MYO1E: variants seen among roughly 807,000 people sequenced by gnomAD.
MYO1E encodes unconventional myosin-Ie.
In MYO1E, 68 loss-of-function variants were observed where a neutral mutation model predicts 151.1. That is an observed-to-expected ratio of 0.45 (90% CI 0.37 to 0.55). The LOEUF is 0.55. Ranked by LOEUF, MYO1E falls within the 20% of genes least tolerant of loss-of-function variation. MYO1E has a pLI of 0.00. For missense variants in MYO1E, 1,363 were observed against 1,389.3 expected (o/e 0.98, Z 0.30); for synonymous variants, 601 against 501.7 (o/e 1.20, Z -2.64).
intron 10 of MYO1E, among the ~76,000 whole-genome samples, chr15:59,216,594 G>GTATCTATCTATC (rs1290267352): frequency 2.5e-4 from 25 of 100,472 alleles, no homozygotes; most frequent in East Asian, 7.4e-4. Flanking sequence ...GTGTGTGTGT[G>GTATCTATCTATC]TATCTATCTA....
At chr15:59,225,896 T>C (rs898364307) in intron 7 of MYO1E, among the ~76,000 whole-genome samples, 7 of 152,198 alleles carry the variant, frequency 4.6e-5, no homozygotes, top group East Asian at 1.9e-4. Context: ...TTCACCCACC[T>C]TGGCATCCCA....
At chr15:59,353,794 A>AG (rs1457691247) in intron 1 of MYO1E, among the ~76,000 whole-genome samples, 3 of 151,842 alleles carry the variant, frequency 2.0e-5, no homozygotes, top group African/African-American at 7.3e-5. Flanking sequence ...AAAAACGCAA[A>AG]GGTAAAGAAA....
intron 1 of MYO1E, among the ~76,000 whole-genome samples, chr15:59,326,549 C>T (rs1283599942): frequency 6.6e-6 from 1 of 152,156 alleles, no homozygotes; most frequent in Admixed American, 6.5e-5. Context: ...GGTGGTCAGT[C>T]TGAACCCATT....
chr15:59,270,553 A>AAAAAAAGAAAAG (rs2080283271), intron 2 of MYO1E, among the ~76,000 whole-genome samples: 1 of 151,762 alleles, frequency 6.6e-6, no homozygotes, highest in African/African-American at 2.4e-5. Flanking sequence ...AAAAAAAAAA[A>AAAAAAAGAAAAG]AAAAAAGAAA....
intron 1 of MYO1E, among the ~76,000 whole-genome samples, chr15:59,322,562 CT>C (rs2080633665): frequency 6.6e-6 from 1 of 152,150 alleles, no homozygotes; most frequent in Non-Finnish European, 1.5e-5. Flanking sequence ...GTTCAAAGTG[CT>C]TACCTAGCAT....
chr15:59,201,551 C>T (rs868229906), intron 16 of MYO1E, among the ~76,000 whole-genome samples: 2 of 152,086 alleles, frequency 1.3e-5, no homozygotes, highest in East Asian at 1.9e-4. Flanking sequence ...ATTACACTCA[C>T]GTGCCACCAC....
At position 59,220,987 on chromosome 15, in the gene MYO1E, TTATATA is replaced by T. The variant is rs575891928; in HGVS notation, c.910+2066_910+2071del. 2.2e-3 allele frequency among the ~76,000 whole-genome samples: 313 copies of T among 144,340 alleles called. 1 individual carries two copies. Among genetic ancestry groups the T allele is most frequent in the African/African-American group, 7.6e-3 (299 of 39,540 alleles). The allele number at this position is 144,340 out of a possible 152,430, so 94.7% of individuals were successfully genotyped here. A position where few individuals can be genotyped will look rare whatever the true frequency, so the allele number is the denominator to read the frequency against. ...GGAATTGATATAGCATCATCTCACATTATATATATAATTATATATATAATATATATA... is the reference window on the plus strand; with the variant it reads ...GGAATTGATATAGCATCATCTCACATTATAATTATATATATAATATATATA... On this transcript the variant is annotated intron_variant, in intron 9 of 27. Transcript: ENST00000288235.
At chr15:59,208,192 A>AATCACTCTACCTACTTTCCT in intron 14 of MYO1E, 1 of 1,017,630 alleles carries the variant, frequency 9.8e-7, no homozygotes, top group Non-Finnish European at 1.4e-6. Context: ...GAAACAGGAA[A>AATCACTCTACCTACTTTCCT]GTAGGTAGAG....
chr15:59,338,437 A>T (rs1001058980), intron 1 of MYO1E, among the ~76,000 whole-genome samples: 1 of 152,152 alleles, frequency 6.6e-6, no homozygotes, highest in Non-Finnish European at 1.5e-5. Flanking sequence ...CCATGAAGGG[A>T]TATCACCTGC....
intron 6 of MYO1E, among the ~76,000 whole-genome samples, chr15:59,230,144 C>T (rs1228207035): frequency 1.3e-5 from 2 of 151,382 alleles, no homozygotes; most frequent in Non-Finnish European, 2.9e-5. Flanking sequence ...ATTTGAGAGA[C>T]AGAAAATTAT....
At chr15:59,151,342 G>T (rs1284724682) in intron 26 of MYO1E, among the ~76,000 whole-genome samples, 1 of 151,992 alleles carries the variant, frequency 6.6e-6, no homozygotes, top group Non-Finnish European at 1.5e-5. Context: ...ACGCAGGACA[G>T]TCACTTGAAC....
chr15:59,207,726 T>C (rs112372710), intron 14 of MYO1E: 3 of 1,614,000 alleles, frequency 1.9e-6, no homozygotes, highest in African/African-American at 2.7e-5. Flanking sequence ...CTTTGAAGGA[T>C]CTGAACTCTG....
chr15:59,334,811 T>G (rs1382327555), intron 1 of MYO1E, among the ~76,000 whole-genome samples: 1 of 152,182 alleles, frequency 6.6e-6, no homozygotes. Context: ...GAGAGAAATT[T>G]GCCAACTCTT....
intron 17 of MYO1E, among the ~76,000 whole-genome samples, chr15:59,194,489 G>A (rs145475831): frequency 0.013 from 1,957 of 152,262 alleles, 51 homozygotes; most frequent in African/African-American, 0.04. Context: ...GGAGATAATC[G>A]GCAGCTAGGA....
intron 26 of MYO1E, among the ~76,000 whole-genome samples, chr15:59,141,116 T>C (rs1478051761): frequency 6.6e-6 from 1 of 152,122 alleles, no homozygotes; most frequent in African/African-American, 2.4e-5. Context: ...CCAGACGTCA[T>C]GTGACTTCTC....
At position 59,262,278 on chromosome 15, in the gene MYO1E, C is replaced by G. The variant is rs185336896; in HGVS notation, c.148-769G>C. On this transcript the variant is annotated intron_variant, in intron 2 of 27. Coordinates refer to ENST00000288235, the MANE Select transcript of MYO1E (RefSeq NM_004998.4). ...ACAGGGATACAAGATGAACTAACAG[C>G]TCTGTTCTCCAGAAGCTTAGAGGAA... 5.7e-4 allele frequency among the ~76,000 whole-genome samples: 87 copies of G among 152,118 alleles called. 1 individual carries two copies. Among genetic ancestry groups the G allele is most frequent in the South Asian group, 1.0e-3 (5 of 4,814 alleles).
chr15:59,172,129 G>A, intron 21 of MYO1E, 87 bp from the exon 22 acceptor site: 1 of 1,480,296 alleles, frequency 6.8e-7, no homozygotes. Context: ...GGCCGAGGCG[G>A]GTGAATCACC....
At chr15:59,347,858 G>A (rs918230657) in intron 1 of MYO1E, among the ~76,000 whole-genome samples, 2 of 152,082 alleles carry the variant, frequency 1.3e-5, no homozygotes, top group East Asian at 1.9e-4. Context: ...ATACAAAAAA[G>A]TTCTAGAGAA....
In MYO1E at chr15:59,202,418, A is replaced by G; in HGVS notation, c.1617-11T>C. Reference sequence around the variant, plus strand: ...GACTTTATGAAAGGCCTGGAAAAGGAGAAAGAGAATGAATTAACAATCTGT... The same window carrying G: ...GACTTTATGAAAGGCCTGGAAAAGGGGAAAGAGAATGAATTAACAATCTGT... On this transcript the variant is annotated splice_polypyrimidine_tract_variant and intron_variant, in intron 15 of 27. Coordinates refer to ENST00000288235, the MANE Select transcript of MYO1E (RefSeq NM_004998.4). The G allele has an allele frequency of 6.2e-7, 1 of 1,611,754 alleles. No individual in the cohort carries two copies. The highest frequency in any genetic ancestry group is 8.5e-7 in the Non-Finnish European group (1 of 1,177,916).
Sources: allele counts gnomAD v4.1 joint callset (sites outside exome capture counted in the v4.1 genomes callset), GRCh38; gene constraint gnomAD v4.1.1; transcripts MANE v1.5; gene names NCBI Gene and HGNC (gene_info 2026-07-23, HGNC 2026-07-21).